GNAL: variants seen among roughly 807,000 people sequenced by gnomAD.
GNAL encodes G protein subunit alpha L, also known as guanine nucleotide-binding protein G(olf) subunit alpha.
In GNAL, 18 loss-of-function variants were observed where a neutral mutation model predicts 55.1. The ratio of observed to expected loss-of-function variants is 0.33; its 90% CI spans 0.23 to 0.48. The LOEUF (loss-of-function observed/expected upper bound fraction) is 0.48. GNAL is among the 20% of genes least tolerant of loss of function. GNAL has a pLI of 0.99. For synonymous variants in GNAL, 253 were observed against 237.0 expected, an observed-to-expected ratio of 1.07 and a Z score of -0.62; for missense variants, 412 against 614.1, an observed-to-expected ratio of 0.67 and a Z score of 3.48.
chr18:11,779,322 A>G (rs1185448139), intron 4 of GNAL, among the ~76,000 whole-genome samples: 1 of 152,226 alleles, frequency 6.6e-6, no homozygotes. Flanking sequence ...CCAGTGGCAA[A>G]TAGGCATTAT....
intron 4 of GNAL, among the ~76,000 whole-genome samples, chr18:11,765,887 C>T (rs2033391317): frequency 6.6e-6 from 1 of 152,120 alleles, no homozygotes. Context: ...CAAAGTTCGC[C>T]TCCAGTTTGA....
At chr18:11,867,121 G>A (rs1313213022) in intron 7 of GNAL, 47 bp from the exon 8 acceptor site, 1 of 1,428,828 alleles carries the variant, frequency 7.0e-7, no homozygotes, top group East Asian at 2.3e-5. Context: ...GTTTGCCATT[G>A]TCCCCTGCTT....
intron 4 of GNAL, among the ~76,000 whole-genome samples, chr18:11,815,446 A>G (rs780812764): frequency 1.0e-3 from 155 of 152,316 alleles, no homozygotes; most frequent in Middle Eastern, 3.4e-3. Flanking sequence ...CAGAAGGCAA[A>G]GGAGAAGCAG....
At position 11,885,516 on chromosome 18, in the gene GNAL, G is replaced by T; in HGVS notation, c.*4381G>T. 3.7e-6 allele frequency: 3 copies of T among 813,020 alleles called. No homozygotes were observed. Among genetic ancestry groups the T allele is most frequent in the Non-Finnish European group, 5.8e-6 (3 of 518,710 alleles). 50.4% of individuals were successfully genotyped at this position (813,020 alleles called of 1,614,324 possible). A position where few individuals can be genotyped will look rare whatever the true frequency, so the allele number is the denominator to read the frequency against. ...GTCATGCTGATTGGTTCCCGGAAGG[G>T]TGTTTGGCAAGGGGCAGTGTATGGA... is the stretch of plus-strand genomic sequence containing the variant. On this transcript the variant is annotated 3_prime_UTR_variant, in exon 12 of 12. Coordinates refer to ENST00000334049, the MANE Select transcript of GNAL (RefSeq NM_182978.4).
intron 1 of GNAL, among the ~76,000 whole-genome samples, chr18:11,747,976 G>A (rs975290817): frequency 6.6e-6 from 1 of 152,138 alleles, no homozygotes; most frequent in South Asian, 2.1e-4. Context: ...CACTGGCAGC[G>A]GGCGCCACTC....
Position 11,721,281 on chromosome 18 carries a change from G to T in GNAL, c.376+31342G>T, listed in dbSNP as rs115881344. Among the ~76,000 whole-genome samples, 1,202 of 152,276 alleles carry T rather than the reference G, an allele frequency of 7.9e-3. 19 individuals carry two copies. The highest frequency in any genetic ancestry group is 0.027 in the African/African-American group (1,118 of 41,550). On this transcript the variant is annotated intron_variant, in intron 1 of 11. Transcript: ENST00000334049. ...CATTGTCCGCAGAGCACTTGCTAGCGATTAGTAAGATAAATAACAATGGGA... is the reference window on the plus strand; with the variant it reads ...CATTGTCCGCAGAGCACTTGCTAGCTATTAGTAAGATAAATAACAATGGGA...
At chr18:11,710,915 AT>A (rs2031822816) in intron 1 of GNAL, among the ~76,000 whole-genome samples, 1 of 151,990 alleles carries the variant, frequency 6.6e-6, no homozygotes, top group South Asian at 2.1e-4. Flanking sequence ...TCGCTCTGTT[AT>A]CCAGGCTGGA....
chr18:11,692,463 C>T (rs1336139293), intron 1 of GNAL, among the ~76,000 whole-genome samples: 2 of 152,160 alleles, frequency 1.3e-5, no homozygotes, highest in Non-Finnish European at 2.9e-5. Context: ...TCCAGAATAT[C>T]GCAGAGCACA....
intron 11 of GNAL, 99 bp from the exon 12 acceptor site, chr18:11,880,890 T>C (rs2143946998): frequency 7.8e-7 from 1 of 1,273,964 alleles, no homozygotes; most frequent in Non-Finnish European, 1.1e-6. Context: ...AGCAGGCCAC[T>C]GTCACCAAAG....
chr18:11,698,272 C>CATGA (rs1396235219), intron 1 of GNAL, among the ~76,000 whole-genome samples: 4 of 151,996 alleles, frequency 2.6e-5, no homozygotes, highest in African/African-American at 9.7e-5. Context: ...GCGGGTGGAT[C>CATGA]ATGAGGTCAA....
chr18:11,775,433 G>A (rs1340155653), intron 4 of GNAL, among the ~76,000 whole-genome samples: 1 of 152,204 alleles, frequency 6.6e-6, no homozygotes, highest in South Asian at 2.1e-4. Context: ...GCACGCCCCC[G>A]TGTAGTAGCC....
chr18:11,721,889 A>T (rs1216846414), intron 1 of GNAL, among the ~76,000 whole-genome samples: 3 of 145,854 alleles, frequency 2.1e-5, no homozygotes, highest in Non-Finnish European at 4.5e-5. Flanking sequence ...TCTGTCTCAA[A>T]AAATAAATAA....
chr18:11,797,656 T>G (rs968090609), intron 4 of GNAL, among the ~76,000 whole-genome samples: 1 of 152,012 alleles, frequency 6.6e-6, no homozygotes, highest in Admixed American at 6.6e-5. Flanking sequence ...GGGGGCTGGT[T>G]TGCTGAGGTG....
chr18:11,794,488 C>T (rs144921068), intron 4 of GNAL, among the ~76,000 whole-genome samples: 2 of 152,256 alleles, frequency 1.3e-5, no homozygotes, highest in Non-Finnish European at 2.9e-5. Flanking sequence ...TGAAAGGCCA[C>T]ATATTGTAAT....
intron 1 of GNAL, among the ~76,000 whole-genome samples, chr18:11,749,957 C>T (rs1206980495): frequency 6.6e-6 from 1 of 152,142 alleles, no homozygotes; most frequent in Non-Finnish European, 1.5e-5. Context: ...ATGATGGGGA[C>T]AGTGATGTGG....
intron 1 of GNAL, among the ~76,000 whole-genome samples, chr18:11,731,673 C>CATGA (rs1272116394): frequency 6.6e-6 from 1 of 152,164 alleles, no homozygotes; most frequent in Non-Finnish European, 1.5e-5. Context: ...ACTCACATAT[C>CATGA]ATGAATTCAC....
intron 5 of GNAL, among the ~76,000 whole-genome samples, chr18:11,832,492 A>C (rs73407457): frequency 0.016 from 2,451 of 152,298 alleles, 67 homozygotes; most frequent in African/African-American, 0.057. Context: ...CTCAGCTTTC[A>C]GGACAATCTG....
chr18:11,851,941 A>G (rs754140300), intron 5 of GNAL: 4 of 1,613,798 alleles, frequency 2.5e-6, no homozygotes, highest in East Asian at 2.2e-5. Context: ...GACGCTCACC[A>G]CTCCCCAGAA....
chr18:11,734,826 A>T (rs1306792521), intron 1 of GNAL, among the ~76,000 whole-genome samples: 4 of 150,500 alleles, frequency 2.7e-5, no homozygotes, highest in Non-Finnish European at 5.9e-5. Context: ...TCAGAGAACC[A>T]CAGCAACCAG....
Sources: allele counts gnomAD v4.1 joint callset (sites outside exome capture counted in the v4.1 genomes callset), GRCh38; gene constraint gnomAD v4.1.1; transcripts MANE v1.5; gene names NCBI Gene and HGNC (gene_info 2026-07-23, HGNC 2026-07-21).